FERMT1: variants seen among roughly 807,000 people sequenced by gnomAD.
The protein encoded by FERMT1 is FERM domain containing kindlin 1.
Under a neutral mutation model 85.3 loss-of-function variants are expected in FERMT1, and 60 were observed. That is an observed-to-expected ratio of 0.70 (90% CI 0.57 to 0.87). FERMT1 has a LOEUF of 0.87. Among genes scored for constraint, FERMT1 ranks in the 40% least tolerant of loss-of-function variants. The probability of loss-of-function intolerance (pLI) is 0.00; values close to 1 mark genes in which losing one functional copy is unlikely to be tolerated. For synonymous variants in FERMT1, 275 were observed against 301.1 expected (o/e 0.91, Z 0.90); for missense variants, 701 against 818.9 (o/e 0.86, Z 1.76).
chr20:6,104,350 T>C lies in FERMT1; in HGVS notation c.849+3182A>G, dbSNP rs1982743221. Among the ~76,000 whole-genome samples, 1 of 152,202 alleles carries C rather than the reference T, an allele frequency of 6.6e-6. No homozygotes were observed. Among genetic ancestry groups the C allele is most frequent in the Admixed American group, 6.5e-5 (1 of 15,272 alleles). ...GGTGCCTTGTAAATTTGCAGTGGCT[T>C]CATGGGTGTTCTTTCTTCTTCTTAG... On this transcript the variant is annotated intron_variant, in intron 6 of 14. Transcript: ENST00000217289. The surrounding 1 kb of genome is among the most constrained non-coding windows in gnomAD (Gnocchi z 4.2).
intron 3 of FERMT1, among the ~76,000 whole-genome samples, 182 bp from the exon 4 acceptor site, chr20:6,112,805 T>C (rs1158171027): frequency 6.6e-6 from 1 of 152,048 alleles, no homozygotes; most frequent in African/African-American, 2.4e-5. Flanking sequence ...CCAAAGTAGG[T>C]GGGGGGAGAA....
chr20:6,096,944 A>G lies in FERMT1; in HGVS notation c.1047T>C (p.Asn349=). ...EVDEIEAALS[N]LEVTLEGGKA... ...TTCCACCTTCTAGGGTTACTTCCAA[A>G]TTAGAAAGCGCCGCTTCTATTTCAT... is the stretch of plus-strand genomic sequence containing the variant. The change falls in exon 8 of 15, where the codon AAT becomes AAC. Residue 349 remains asparagine, a synonymous_variant. Coordinates refer to ENST00000217289, the MANE Select transcript of FERMT1 (RefSeq NM_017671.5). The G allele has an allele frequency of 3.1e-6, 5 of 1,614,140 alleles. No homozygotes were observed. The highest frequency in any genetic ancestry group is 4.2e-6 in the Non-Finnish European group (5 of 1,179,992).
intron 9 of FERMT1, among the ~76,000 whole-genome samples, chr20:6,093,463 A>G (rs1419360296): frequency 6.6e-6 from 1 of 152,220 alleles, no homozygotes; most frequent in Non-Finnish European, 1.5e-5. Flanking sequence ...CATCTATAGG[A>G]AGGCTACAGT....
chr20:6,079,578 C>T lies in FERMT1; in HGVS notation c.1719-1G>A, dbSNP rs1324272731. The T allele has an allele frequency of 6.2e-7, 1 of 1,613,072 alleles. No individual in the cohort carries two copies. The highest frequency in any genetic ancestry group is 8.5e-7 in the Non-Finnish European group (1 of 1,179,230). On this transcript the variant is annotated splice_acceptor_variant, in intron 13 of 14. Transcript: ENST00000217289. LOFTEE classifies it high-confidence loss of function. ...GTCATCTTTTTTGCTTCCTTTAAAT[C>T]TGAAAAGAATCATAATATTAGTTAA...
intron 6 of FERMT1, among the ~76,000 whole-genome samples, chr20:6,105,449 G>T (rs760202678): frequency 1.4e-4 from 21 of 152,162 alleles, no homozygotes; most frequent in Non-Finnish European, 1.6e-4. Context: ...GCATTGCAGA[G>T]TACTTGTCAC....
chr20:6,116,095 A>G, intron 2 of FERMT1, 51 bp from the exon 3 acceptor site: 1 of 1,275,960 alleles, frequency 7.8e-7, no homozygotes, highest in Non-Finnish European at 1.1e-6. Context: ...CCCAGCTTGG[A>G]GGGTCCTGGA....
At chr20:6,113,904 T>C (rs766800871) in intron 3 of FERMT1, among the ~76,000 whole-genome samples, 9 of 152,232 alleles carry the variant, frequency 5.9e-5, no homozygotes, top group Non-Finnish European at 1.3e-4. Flanking sequence ...ACTGAAACTA[T>C]GGTAATCCCC....
chr20:6,109,418 G>A (rs1982884376), intron 5 of FERMT1, among the ~76,000 whole-genome samples: 1 of 152,208 alleles, frequency 6.6e-6, no homozygotes, highest in African/African-American at 2.4e-5. Flanking sequence ...GGCCATGGGA[G>A]CATGGGAGGA....
intron 8 of FERMT1, 84 bp downstream of exon 8, chr20:6,096,807 TCAGATGAAATA>T: frequency 1.8e-6 from 1 of 548,204 alleles, no homozygotes; most frequent in Non-Finnish European, 3.1e-6. Flanking sequence ...TTTTTCAAAA[TCAGATGAAATA>T]TTCTCTTCTA....
intron 11 of FERMT1, among the ~76,000 whole-genome samples, chr20:6,085,975 CTA>C (rs1259623012): frequency 2.6e-5 from 4 of 151,792 alleles, no homozygotes; most frequent in Non-Finnish European, 4.4e-5. Flanking sequence ...CCCATCTGTA[CTA>C]AAAAATACAA....
At chr20:6,082,551 C>T (rs1982027282) in intron 13 of FERMT1, among the ~76,000 whole-genome samples, 1 of 152,206 alleles carries the variant, frequency 6.6e-6, no homozygotes. Context: ...CTTCCTCACT[C>T]CTTTGTTGGG....
chr20:6,080,022 T>G (rs940812706), intron 13 of FERMT1, among the ~76,000 whole-genome samples: 3 of 151,902 alleles, frequency 2.0e-5, no homozygotes, highest in Admixed American at 6.6e-5. Flanking sequence ...GGTAATAAGG[T>G]GGTTACAGTT....
intron 2 of FERMT1, among the ~76,000 whole-genome samples, chr20:6,116,729 CAA>C (rs58183881): frequency 1.4e-5 from 2 of 140,820 alleles, no homozygotes; most frequent in Non-Finnish European, 1.5e-5. Flanking sequence ...ATCTCTGTCT[CAA>C]AAAAAAAAAA....
At chr20:6,096,782 CTTTTTTTTT>C (rs202086138) in intron 8 of FERMT1, 111 bp downstream of exon 8, 1 of 533,694 alleles carries the variant, frequency 1.9e-6, no homozygotes, top group Non-Finnish European at 3.1e-6. Context: ...TGAAGAGCAT[CTTTTTTTTT>C]TTTTTTTTTT....
At chr20:6,082,713 T>C (rs1262251365) in intron 13 of FERMT1, among the ~76,000 whole-genome samples, 1 of 152,228 alleles carries the variant, frequency 6.6e-6, no homozygotes, top group Non-Finnish European at 1.5e-5. Flanking sequence ...TGGAGGGCAG[T>C]GGCGCGATCT....
At chr20:6,090,890 G>A (rs755279538) in intron 9 of FERMT1, among the ~76,000 whole-genome samples, 2 of 152,068 alleles carry the variant, frequency 1.3e-5, no homozygotes, top group Non-Finnish European at 2.9e-5. Context: ...TTTGCTGGGT[G>A]CGGTGGCTCG....
chr20:6,091,024 C>T (rs1386774346), intron 9 of FERMT1, among the ~76,000 whole-genome samples: 1 of 151,242 alleles, frequency 6.6e-6, no homozygotes, highest in Non-Finnish European at 1.5e-5. Flanking sequence ...ATTAGCTGGC[C>T]GTGGTGGCGT....
At chr20:6,083,967 G>A in intron 13 of FERMT1, 73 bp downstream of exon 13, 1 of 1,568,232 alleles carries the variant, frequency 6.4e-7, no homozygotes, top group Admixed American at 1.7e-5. Flanking sequence ...TGCTAAATGA[G>A]AAAACTGGGG....
intron 6 of FERMT1, among the ~76,000 whole-genome samples, chr20:6,101,289 G>A (rs1172669016): frequency 2.0e-5 from 3 of 152,160 alleles, no homozygotes; most frequent in Non-Finnish European, 4.4e-5. Flanking sequence ...GCACTTGCGA[G>A]ATACTTTTAC....
Sources: gnomAD v4.1 joint callset for allele counts (sites outside exome capture counted in the v4.1 genomes callset) on GRCh38, gnomAD v4.1.1 for gene constraint, Gnocchi (gnomAD v3.1) non-coding constraint, MANE v1.5 for transcripts, NCBI Gene and HGNC (gene_info 2026-07-23, HGNC 2026-07-21) for gene names.